Variants in KLRG2 observed in about 807,000 individuals in gnomAD.
KLRG2 encodes killer cell lectin-like receptor subfamily G member 2.
Under a neutral mutation model 35.4 loss-of-function variants are expected in KLRG2, and 39 were observed. That is an observed-to-expected ratio of 1.10 (90% CI 0.85 to 1.44). The LOEUF (loss-of-function observed/expected upper bound fraction) is 1.44, where lower values mean the gene tolerates loss of function less well. Among genes scored for constraint, KLRG2 ranks in the 40% most tolerant of loss-of-function variants. The pLI is 0.00. For synonymous variants in KLRG2, 283 were observed against 265.8 expected, an observed-to-expected ratio of 1.06 and a Z score of -0.63; for missense variants, 632 against 570.9, an observed-to-expected ratio of 1.11 and a Z score of -1.09.
chr7:139,474,116 A>T (rs951037759), intron 3 of KLRG2, among the ~76,000 whole-genome samples: 1 of 150,714 alleles, frequency 6.6e-6, no homozygotes, highest in South Asian at 2.1e-4. Context: ...TCCTGGGTTC[A>T]AGCAATTCTA....
At chr7:139,454,910 C>T (rs1047219456) in intron 3 of KLRG2, among the ~76,000 whole-genome samples, 4 of 151,238 alleles carry the variant, frequency 2.6e-5, no homozygotes, top group African/African-American at 7.3e-5. Context: ...AGTAAGTGTG[C>T]TGGAGAGGTA....
chr7:139,450,447 A>T (rs1418664490), downstream of KLRG2, among the ~76,000 whole-genome samples: 9 of 150,410 alleles, frequency 6.0e-5, no homozygotes, highest in South Asian at 8.5e-4. Flanking sequence ...CTGGTCTCGA[A>T]CTCTTGACCT....
chr7:139,469,710 C>T (rs200668573), intron 3 of KLRG2, among the ~76,000 whole-genome samples: 5 of 152,220 alleles, frequency 3.3e-5, no homozygotes, highest in African/African-American at 1.2e-4. Flanking sequence ...TCCCAAAGTG[C>T]TGGGATTACA....
chr7:139,454,861 T>TAAC (rs1796440753), intron 3 of KLRG2, among the ~76,000 whole-genome samples: 2 of 136,924 alleles, frequency 1.5e-5, no homozygotes, highest in African/African-American at 2.9e-5. Context: ...ATAATAATAA[T>TAAC]AATAACACAC....
At chr7:139,458,708 CGA>C (rs1796518572) in intron 3 of KLRG2, among the ~76,000 whole-genome samples, 1 of 152,216 alleles carries the variant, frequency 6.6e-6, no homozygotes, top group Admixed American at 6.5e-5. Context: ...GCATCGGGCT[CGA>C]GTTCAGTGTG....
At chr7:139,481,854 G>A (rs1796965206) in intron 1 of KLRG2, among the ~76,000 whole-genome samples, 5 of 152,112 alleles carry the variant, frequency 3.3e-5, no homozygotes, top group Middle Eastern at 3.4e-3. Context: ...TTGAATCCAG[G>A]AGGCGAAGGT....
chr7:139,454,884 G>A (rs1437937783), intron 3 of KLRG2, among the ~76,000 whole-genome samples: 2 of 150,588 alleles, frequency 1.3e-5, no homozygotes, highest in Non-Finnish European at 3.0e-5. Flanking sequence ...AGATGTGCAG[G>A]AACAACAAAA....
the KLRG2 span, among the ~76,000 whole-genome samples, chr7:139,445,105 G>A: frequency 1.3e-5 from 2 of 149,314 alleles, no homozygotes; most frequent in Admixed American, 6.7e-5. Context: ...TCGAGTTGGA[G>A]TCTCTCATTC....
chr7:139,477,032 A>T (rs769141442), intron 3 of KLRG2, among the ~76,000 whole-genome samples: 7 of 152,180 alleles, frequency 4.6e-5, no homozygotes, highest in Non-Finnish European at 5.9e-5. Flanking sequence ...TAAAGCACTG[A>T]CGGAAGGAGT....
At chr7:139,477,467 AAGCC>A in intron 3 of KLRG2, among the ~76,000 whole-genome samples, 1 of 152,206 alleles carries the variant, frequency 6.6e-6, no homozygotes, top group African/African-American at 2.4e-5. Flanking sequence ...TAAGTGAAAT[AAGCC>A]AGTCACAACA....
chr7:139,432,558 A>G, the KLRG2 span, among the ~76,000 whole-genome samples: 9 of 120,856 alleles, frequency 7.4e-5, no homozygotes, highest in Admixed American at 1.6e-4. Context: ...CCCCCCCCCA[A>G]TATTTTTTTT....
At chr7:139,431,243 C>T in the KLRG2 span, among the ~76,000 whole-genome samples, 3 of 152,194 alleles carry the variant, frequency 2.0e-5, no homozygotes, top group South Asian at 2.1e-4. Context: ...TGCCTGGGGC[C>T]GGACCTCAGG....
At chr7:139,477,493 G>A (rs1234027352) in intron 3 of KLRG2, among the ~76,000 whole-genome samples, 1 of 152,182 alleles carries the variant, frequency 6.6e-6, no homozygotes, top group African/African-American at 2.4e-5. Context: ...GACAAATACT[G>A]TGCGATTCCA....
chr7:139,445,771 A>ATATATATGTGTG, the KLRG2 span, among the ~76,000 whole-genome samples: 38 of 120,176 alleles, frequency 3.2e-4, 1 homozygote, highest in African/African-American at 2.1e-3. Flanking sequence ...GTGTATGTAT[A>ATATATATGTGTG]TATATATATG....
intron 3 of KLRG2, among the ~76,000 whole-genome samples, chr7:139,476,386 C>G (rs887056): frequency 0.3 from 46,083 of 151,654 alleles, 7,552 homozygotes; most frequent in African/African-American, 0.39. Flanking sequence ...AGCAACAGGT[C>G]CAGACTGGAA....
intron 3 of KLRG2, among the ~76,000 whole-genome samples, chr7:139,467,545 C>T (rs1221673214): frequency 2.0e-5 from 3 of 152,188 alleles, no homozygotes; most frequent in East Asian, 1.9e-4. Flanking sequence ...CCCCCAACGC[C>T]GTGCTCTCTG....
chr7:139,475,563 G>T (rs545715857), intron 3 of KLRG2, among the ~76,000 whole-genome samples: 1 of 151,682 alleles, frequency 6.6e-6, no homozygotes, highest in Non-Finnish European at 1.5e-5. Context: ...CCCCGTGCTG[G>T]GGGGGTGGCG....
chr7:139,458,426 T>A (rs1051846684), intron 3 of KLRG2, among the ~76,000 whole-genome samples: 12 of 151,946 alleles, frequency 7.9e-5, no homozygotes, highest in Non-Finnish European at 1.3e-4. Flanking sequence ...GACATAAAAT[T>A]TACCATTTTA....
downstream of KLRG2, among the ~76,000 whole-genome samples, chr7:139,449,094 A>G (rs1301611099): frequency 5.4e-5 from 8 of 146,942 alleles, no homozygotes; most frequent in Non-Finnish European, 1.2e-4. Context: ...TGACAGAGGG[A>G]CACTCCGTCT....
Sources: gnomAD v4.1 joint callset for allele counts (sites outside exome capture counted in the v4.1 genomes callset) on GRCh38, gnomAD v4.1.1 for gene constraint, MANE v1.5 for transcripts, NCBI Gene and HGNC (gene_info 2026-07-23, HGNC 2026-07-21) for gene names.